Variants in ABCA5 observed in about 807,000 individuals in gnomAD.
ABCA5 encodes cholesterol transporter ABCA5.
ABCA5 carries 163 observed loss-of-function variants against 206.0 expected under a neutral mutation model. That is an observed-to-expected ratio of 0.79 (90% CI 0.70 to 0.90). ABCA5 has a LOEUF of 0.90. Ranked by LOEUF, ABCA5 falls within the 40% of genes least tolerant of loss-of-function variation. ABCA5 has a pLI of 0.00. For synonymous variants in ABCA5, 609 were observed against 613.8 expected, an observed-to-expected ratio of 0.99 and a Z score of 0.11; for missense variants, 1,859 against 1,912.9, an observed-to-expected ratio of 0.97 and a Z score of 0.53.
chr17:69,323,744 A>T (rs1007186197), intron 1 of ABCA5, among the ~76,000 whole-genome samples: 6 of 152,182 alleles, frequency 3.9e-5, no homozygotes, highest in African/African-American at 1.2e-4. Context: ...CTTACCACAG[A>T]TTCCTTTATC....
At chr17:69,286,661 C>T (rs2075457129) in intron 15 of ABCA5, among the ~76,000 whole-genome samples, 1 of 152,050 alleles carries the variant, frequency 6.6e-6, no homozygotes, top group South Asian at 2.1e-4. Flanking sequence ...TCCTTTATAA[C>T]CAAATGTAGA....
intron 19 of ABCA5, 56 bp downstream of exon 19, chr17:69,277,585 C>A: frequency 2.9e-6 from 4 of 1,379,076 alleles, no homozygotes; most frequent in South Asian, 2.9e-5. Flanking sequence ...ATGGTAAAAC[C>A]AATGTGTATC....
At chr17:69,285,126 G>A (rs1399009885) in intron 17 of ABCA5, among the ~76,000 whole-genome samples, 1 of 152,094 alleles carries the variant, frequency 6.6e-6, no homozygotes, top group East Asian at 1.9e-4. Flanking sequence ...TTTATCTCAT[G>A]TATTTCTTGA....
Position 69,306,891 on chromosome 17 carries a change from T to G in ABCA5, c.622A>C (p.Thr208Pro). The change falls in exon 6 of 39, where the codon ACT (threonine) becomes CCT (proline). Residue 208 changes from threonine (T) to proline (P), a missense_variant. Transcript: ENST00000392676. ...AAGGTATCTATTTCTACAACAGCAG[T>G]TTCTCCCATAATAACAGCTTTAGTT... Reference protein sequence around the residue: ...ESTKAVIMGETAVVEIDTFPR... With the variant: ...ESTKAVIMGEPAVVEIDTFPR... 1 of 1,592,726 alleles carries G rather than the reference T, an allele frequency of 6.3e-7. No individual in the cohort carries two copies. Among genetic ancestry groups the G allele is most frequent in the Admixed American group, 1.7e-5 (1 of 57,920 alleles).
chr17:69,294,109 T>C (rs1296858535), intron 11 of ABCA5, among the ~76,000 whole-genome samples: 1 of 152,174 alleles, frequency 6.6e-6, no homozygotes. Context: ...AACAAGGACA[T>C]AGCCTTATTC....
At chr17:69,248,604 T>A (rs1259764392) in intron 37 of ABCA5, 1 of 239,826 alleles carries the variant, frequency 4.2e-6, no homozygotes, top group African/African-American at 2.3e-5. Flanking sequence ...CTTCTTTTGA[T>A]CCCTGCTCTC....
chr17:69,271,676 G>A (rs2075275840), intron 20 of ABCA5, among the ~76,000 whole-genome samples: 1 of 152,130 alleles, frequency 6.6e-6, no homozygotes, highest in South Asian at 2.1e-4. Flanking sequence ...TGCTGCTGCT[G>A]CTACAACTAT....
rs748957257 is a variant in ABCA5, at chr17:69,289,313, T to G, written c.1783-17A>C. Reference sequence around the variant, plus strand: ...CTTCTGCACCTGTAAAAGTAAAGCATGAACAATGTTATTTTAAAAATCATA... The same window carrying G: ...CTTCTGCACCTGTAAAAGTAAAGCAGGAACAATGTTATTTTAAAAATCATA... On this transcript the variant is annotated splice_polypyrimidine_tract_variant and intron_variant, in intron 13 of 38. Coordinates refer to ENST00000392676, the MANE Select transcript of ABCA5 (RefSeq NM_172232.4). The G allele has an allele frequency of 6.7e-7, 1 of 1,503,734 alleles. No individual in the cohort carries two copies. Among genetic ancestry groups the G allele is most frequent in the East Asian group, 2.5e-5 (1 of 40,588 alleles). 93.1% of individuals were successfully genotyped at this position (1,503,734 alleles called of 1,614,324 possible).
At chr17:69,292,627 G>A (rs1024685433) in intron 11 of ABCA5, among the ~76,000 whole-genome samples, 30 of 152,004 alleles carry the variant, frequency 2.0e-4, no homozygotes, top group African/African-American at 6.3e-4. Context: ...ACAATTAGTT[G>A]TAATTGTTAT....
chr17:69,317,399 C>CAAAAA (rs1168274624), intron 1 of ABCA5, among the ~76,000 whole-genome samples: 5 of 74,580 alleles, frequency 6.7e-5, no homozygotes, highest in Non-Finnish European at 7.2e-5. Context: ...GACTCTGTCT[C>CAAAAA]AAAAAAAAAA....
At chr17:69,268,465 A>C (rs915930885) in intron 22 of ABCA5, among the ~76,000 whole-genome samples, 1 of 151,894 alleles carries the variant, frequency 6.6e-6, no homozygotes, top group Non-Finnish European at 1.5e-5. Flanking sequence ...TTGTCTTTTT[A>C]ATTGGGAAAA....
intron 1 of ABCA5, among the ~76,000 whole-genome samples, chr17:69,315,835 A>C (rs2075811372): frequency 6.6e-6 from 1 of 152,092 alleles, no homozygotes; most frequent in African/African-American, 2.4e-5. Context: ...AAAGATACCA[A>C]TGCTGAAATA....
At chr17:69,250,073 T>C in intron 36 of ABCA5, 89 bp from the exon 37 acceptor site, 1 of 844,216 alleles carries the variant, frequency 1.2e-6, no homozygotes, top group South Asian at 3.0e-5. Flanking sequence ...AAATTCAAAA[T>C]TAAATTCAAT....
chr17:69,303,124 G>A (rs2075669675), intron 7 of ABCA5, among the ~76,000 whole-genome samples: 2 of 151,966 alleles, frequency 1.3e-5, no homozygotes, highest in Admixed American at 6.5e-5. Context: ...TTTTTGTTTT[G>A]ATTTTGTTTT....
At chr17:69,315,091 G>C (rs1437880707) in intron 1 of ABCA5, 1 of 152,210 alleles carries the variant, frequency 6.6e-6, no homozygotes, top group East Asian at 1.9e-4. Flanking sequence ...CAGCCACAGG[G>C]AAGCAAAAAG....
At chr17:69,277,572 A>C in intron 19 of ABCA5, 69 bp downstream of exon 19, 1 of 1,222,498 alleles carries the variant, frequency 8.2e-7, no homozygotes, top group East Asian at 2.6e-5. Context: ...TTTAAAAATT[A>C]AGATGGTAAA....
At chr17:69,289,831 AAAAGT>A (rs1380392421) in intron 13 of ABCA5, 26 bp downstream of exon 13, 10 of 1,517,698 alleles carry the variant, frequency 6.6e-6, no homozygotes, top group Non-Finnish European at 8.9e-6. Flanking sequence ...TACAGGAAAT[AAAAGT>A]AAAGATTTCT....
At chr17:69,302,566 T>C (rs1048012058) in intron 8 of ABCA5, 152 bp downstream of exon 8, 8 of 443,762 alleles carry the variant, frequency 1.8e-5, no homozygotes, top group African/African-American at 1.0e-4. Context: ...TAAAACTAGA[T>C]ATAAAATATA....
chr17:69,325,349 A>T (rs140793199), intron 1 of ABCA5, among the ~76,000 whole-genome samples: 70 of 152,142 alleles, frequency 4.6e-4, no homozygotes, highest in African/African-American at 1.6e-3. Flanking sequence ...ATTTAACCTA[A>T]ATTTTATCAC....
Sources: allele counts gnomAD v4.1 joint callset (sites outside exome capture counted in the v4.1 genomes callset), GRCh38; gene constraint gnomAD v4.1.1; transcripts MANE v1.5; gene names NCBI Gene and HGNC (gene_info 2026-07-23, HGNC 2026-07-21).